Variants in SVIL observed in about 807,000 individuals in gnomAD.
The protein encoded by SVIL is supervillin, also known as archvillin.
In SVIL, 101 loss-of-function variants were observed where a neutral mutation model predicts 240.4. That is an observed-to-expected ratio of 0.42 (90% CI 0.36 to 0.50). The LOEUF (loss-of-function observed/expected upper bound fraction) is 0.50, where lower values mean the gene tolerates loss of function less well. Among genes scored for constraint, SVIL ranks in the 20% least tolerant of loss-of-function variants. The pLI is 0.01. For synonymous variants in SVIL, 999 were observed against 1,100.0 expected (o/e 0.91, Z 1.82); for missense variants, 2,512 against 2,818.7 (o/e 0.89, Z 2.46).
At chr10:29,625,354 A>G (rs2132930951) in intron 1 of SVIL, among the ~76,000 whole-genome samples, 1 of 152,352 alleles carries the variant, frequency 6.6e-6, no homozygotes, top group Non-Finnish European at 1.5e-5. Flanking sequence ...TGGTAATGAA[A>G]TCAACGTTTT....
chr10:29,474,414 C>T (rs537141467), intron 29 of SVIL, among the ~76,000 whole-genome samples: 4 of 152,130 alleles, frequency 2.6e-5, no homozygotes, highest in African/African-American at 9.6e-5. Context: ...GGCAACATAG[C>T]AAGACCCCAC....
intron 33 of SVIL, among the ~76,000 whole-genome samples, chr10:29,466,333 A>G (rs1198305054): frequency 7.9e-5 from 12 of 152,076 alleles, no homozygotes; most frequent in Admixed American, 2.0e-4. Flanking sequence ...AAACAAAACA[A>G]TGCTTAGCTA....
intron 1 of SVIL, among the ~76,000 whole-genome samples, chr10:29,693,460 T>C (rs975949076): frequency 1.3e-5 from 2 of 152,316 alleles, no homozygotes; most frequent in Non-Finnish European, 2.9e-5. Context: ...ACATTCTCAT[T>C]GGCTGGTTCT....
At chr10:29,600,243 T>A (rs1956760149) in intron 1 of SVIL, among the ~76,000 whole-genome samples, 2 of 152,184 alleles carry the variant, frequency 1.3e-5, no homozygotes. Context: ...AAATTTTTAC[T>A]CTGAATTTTG....
intron 12 of SVIL, among the ~76,000 whole-genome samples, chr10:29,529,195 A>AG (rs926909466): frequency 2.7e-5 from 4 of 149,774 alleles, no homozygotes; most frequent in African/African-American, 9.7e-5. Context: ...AAAAAAAAAA[A>AG]AAAAAAAAGA....
intron 5 of SVIL, among the ~76,000 whole-genome samples, chr10:29,553,316 C>T (rs532095941): frequency 2.5e-4 from 38 of 152,232 alleles, no homozygotes; most frequent in African/African-American, 8.4e-4. Context: ...CAGTGGCTCA[C>T]GCTTGTAATC....
intron 27 of SVIL, 32 bp from the exon 28 acceptor site, chr10:29,481,760 A>G (rs756451505): frequency 1.2e-6 from 2 of 1,603,642 alleles, no homozygotes; most frequent in East Asian, 4.5e-5. Flanking sequence ...GGGAGAACAG[A>G]CAGGAAAAGA....
In SVIL at chr10:29,470,289, T is replaced by C; in HGVS notation, c.5830A>G (p.Lys1944Glu). 1 of 1,614,198 alleles carries C rather than the reference T, an allele frequency of 6.2e-7. No individual in the cohort carries two copies. Among genetic ancestry groups the C allele is most frequent in the Non-Finnish European group, 8.5e-7 (1 of 1,180,040 alleles). Residue 1944 changes from lysine (K) to glutamate (E), a missense_variant, in exon 32 of 38, where the codon AAG becomes GAG. This residue lies in a region of SVIL where 797 missense variants were observed against 925.3 expected (regional missense o/e 0.86). Transcript: ENST00000355867. Reference protein sequence around the residue: ...TKEVGRTAANKIKEQCPLEAG... With the variant: ...TKEVGRTAANEIKEQCPLEAG... Reference sequence around the variant, plus strand: ...CACAACACTCACTGTTCCTTGATCTTGTTCGCAGCGGTCCTTCCGACCTCC... The same window carrying C: ...CACAACACTCACTGTTCCTTGATCTCGTTCGCAGCGGTCCTTCCGACCTCC...
At position 29,531,131 on chromosome 10, in the gene SVIL, T is replaced by C. The variant is rs1951333149; in HGVS notation, c.2044+123A>G. On this transcript the variant is annotated intron_variant, in intron 10 of 37. Transcript: ENST00000355867. ...TTATCATATCCACAGAACGAAAACC[T>C]GCAGCAAAGGGAGACACTGTTATGC... 1.8e-5 allele frequency: 17 copies of C among 922,998 alleles called. No individual in the cohort carries two copies. The South Asian group carries it at 2.6e-4, about 14-fold the overall frequency. 57.2% of individuals were successfully genotyped at this position (922,998 alleles called of 1,614,324 possible). A position where few individuals can be genotyped will look rare whatever the true frequency, so the allele number is the denominator to read the frequency against.
chr10:29,634,193 T>TAA (rs60844786), intron 1 of SVIL, among the ~76,000 whole-genome samples: 1 of 139,686 alleles, frequency 7.2e-6, no homozygotes, highest in Non-Finnish European at 1.6e-5. Flanking sequence ...GTAAATCCTT[T>TAA]AAAAAAAAAA....
intron 1 of SVIL, among the ~76,000 whole-genome samples, chr10:29,733,985 C>T (rs1022005923): frequency 1.3e-5 from 2 of 152,156 alleles, no homozygotes; most frequent in African/African-American, 4.8e-5. Context: ...CCAAAGCATA[C>T]TTCACTCAAT....
intron 1 of SVIL, among the ~76,000 whole-genome samples, chr10:29,577,570 T>G (rs1955757722): frequency 6.6e-6 from 1 of 152,250 alleles, no homozygotes; most frequent in Non-Finnish European, 1.5e-5. Flanking sequence ...ACATTTTCTT[T>G]ATCCACTTGT....
intron 29 of SVIL, among the ~76,000 whole-genome samples, chr10:29,478,021 A>T (rs1588887578): frequency 6.6e-6 from 1 of 152,198 alleles, no homozygotes; most frequent in Admixed American, 6.5e-5. Flanking sequence ...GCTAAATTAA[A>T]CTATGTCTGG....
intron 1 of SVIL, among the ~76,000 whole-genome samples, chr10:29,717,636 T>A (rs1271007119): frequency 6.6e-6 from 1 of 152,230 alleles, no homozygotes; most frequent in Non-Finnish European, 1.5e-5. Flanking sequence ...AGTTAGTGAA[T>A]TTGCCTAAGT....
At chr10:29,614,966 T>C (rs560781661) in intron 1 of SVIL, among the ~76,000 whole-genome samples, 1 of 152,200 alleles carries the variant, frequency 6.6e-6, no homozygotes, top group East Asian at 1.9e-4. Context: ...AACAACTCTA[T>C]GTGATATGTA....
intron 30 of SVIL, among the ~76,000 whole-genome samples, chr10:29,472,279 A>C (rs1210542010): frequency 1.3e-5 from 2 of 152,242 alleles, no homozygotes. Context: ...GGTAGTTGAA[A>C]TGGCTATTAG....
chr10:29,673,015 G>T (rs568266878), intron 2 of SVIL, among the ~76,000 whole-genome samples: 1 of 152,222 alleles, frequency 6.6e-6, no homozygotes, highest in African/African-American at 2.4e-5. Context: ...CCAGGTTAAA[G>T]CAATTCTCCT....
At chr10:29,604,373 T>C (rs973566052) in intron 1 of SVIL, among the ~76,000 whole-genome samples, 39 of 137,124 alleles carry the variant, frequency 2.8e-4, no homozygotes, top group Admixed American at 8.2e-4. Context: ...CTTTTTTTTT[T>C]TTTTTTTTTT....
chr10:29,470,807 T>C (rs1945487617), intron 31 of SVIL, among the ~76,000 whole-genome samples: 1 of 152,136 alleles, frequency 6.6e-6, no homozygotes, highest in South Asian at 2.1e-4. Flanking sequence ...AGCTAAGATT[T>C]TTTTGGGGGG....
Sources: allele counts gnomAD v4.1 joint callset (sites outside exome capture counted in the v4.1 genomes callset), GRCh38; gene constraint gnomAD v4.1.1; regional missense constraint gnomAD v4.1.1; transcripts MANE v1.5; gene names NCBI Gene and HGNC (gene_info 2026-07-23, HGNC 2026-07-21).